The following ROBO2 variants were observed in gnomAD, a reference collection of about 807,000 sequenced individuals.
The protein encoded by ROBO2 is roundabout guidance receptor 2.
Under a neutral mutation model 160.8 loss-of-function variants are expected in ROBO2, and 53 were observed. The ratio of observed to expected loss-of-function variants is 0.33; its 90% CI spans 0.26 to 0.41. The LOEUF (loss-of-function observed/expected upper bound fraction) is 0.41, where lower values mean the gene tolerates loss of function less well. ROBO2 is among the 10% of genes least tolerant of loss of function. The pLI, the probability that ROBO2 is intolerant of heterozygous loss-of-function variation, is 1.00. For synonymous variants in ROBO2, 664 were observed against 611.7 expected (o/e 1.09, Z -1.26); for missense variants, 1,577 against 1,722.4 (o/e 0.92, Z 1.49).
intron 2 of ROBO2, among the ~76,000 whole-genome samples, chr3:76,813,054 A>G (rs1436804285): frequency 6.6e-6 from 1 of 151,882 alleles, no homozygotes; most frequent in Non-Finnish European, 1.5e-5. Context: ...CAAGCTTTGG[A>G]ACTTGGAAGA....
intron 2 of ROBO2, among the ~76,000 whole-genome samples, chr3:77,304,638 T>TGGCACATA (rs2062942899): frequency 6.6e-6 from 1 of 152,178 alleles, no homozygotes; most frequent in Admixed American, 6.5e-5. Context: ...TTTCATTCTG[T>TGGCACATA]GGCACATACC....
intron 2 of ROBO2, among the ~76,000 whole-genome samples, chr3:77,272,700 C>T (rs2059579706): frequency 6.6e-6 from 1 of 152,228 alleles, no homozygotes; most frequent in South Asian, 2.1e-4. Context: ...GTGACTGTTA[C>T]TGGGCCTGTA....
intron 2 of ROBO2, among the ~76,000 whole-genome samples, chr3:76,656,086 A>G (rs1215705925): frequency 6.6e-6 from 1 of 152,142 alleles, no homozygotes; most frequent in Non-Finnish European, 1.5e-5. Flanking sequence ...CTAAGCAAAA[A>G]CAGCCAAGAG....
At chr3:77,428,120 A>G (rs1476281785) in intron 2 of ROBO2, among the ~76,000 whole-genome samples, 1 of 151,946 alleles carries the variant, frequency 6.6e-6, no homozygotes. Flanking sequence ...TTGTAAACAA[A>G]TTTTTGAAAT....
At chr3:77,045,066 G>A (rs2064507497) in intron 1 of ROBO2, among the ~76,000 whole-genome samples, 2 of 152,154 alleles carry the variant, frequency 1.3e-5, no homozygotes, top group South Asian at 2.1e-4. Flanking sequence ...GGAGGCGGGC[G>A]GTAGGGAAAG....
intron 2 of ROBO2, among the ~76,000 whole-genome samples, chr3:76,334,101 C>T (rs926590371): frequency 2.0e-5 from 3 of 152,058 alleles, no homozygotes; most frequent in African/African-American, 7.2e-5. Flanking sequence ...TGTAACAAAC[C>T]TGCACGTTGT....
intron 2 of ROBO2, among the ~76,000 whole-genome samples, chr3:77,024,394 T>C (rs1165737105): frequency 6.6e-6 from 1 of 152,142 alleles, no homozygotes; most frequent in Non-Finnish European, 1.5e-5. Flanking sequence ...GTGTCAGAAA[T>C]GAAGCAGTAA....
intron 2 of ROBO2, among the ~76,000 whole-genome samples, chr3:77,419,606 CA>C (rs1334574330): frequency 6.6e-6 from 1 of 152,030 alleles, no homozygotes; most frequent in Non-Finnish European, 1.5e-5. Context: ...CCTTCTGCAG[CA>C]AAACTCATTA....
intron 2 of ROBO2, among the ~76,000 whole-genome samples, chr3:76,059,034 TAATC>T (rs1289569775): frequency 2.7e-5 from 4 of 150,818 alleles, no homozygotes; most frequent in Admixed American, 6.6e-5. Context: ...CACATTTTCT[TAATC>T]CAGTCTATCA....
intron 2 of ROBO2, among the ~76,000 whole-genome samples, chr3:75,986,591 T>C (rs1421109500): frequency 6.6e-6 from 1 of 151,704 alleles, no homozygotes; most frequent in African/African-American, 2.4e-5. Context: ...CCTGTGCCTT[T>C]GATGTCACAT....
intron 2 of ROBO2, among the ~76,000 whole-genome samples, chr3:77,459,973 A>G (rs977930831): frequency 6.6e-6 from 1 of 151,876 alleles, no homozygotes; most frequent in Non-Finnish European, 1.5e-5. Context: ...GGAGAATTTT[A>G]TGTAAAAAGA....
chr3:76,064,581 A>G (rs1217133070), intron 2 of ROBO2, among the ~76,000 whole-genome samples: 2 of 152,194 alleles, frequency 1.3e-5, no homozygotes, highest in Non-Finnish European at 1.5e-5. Flanking sequence ...CTCTCTAACA[A>G]TCCTTAAAAA....
At chr3:77,194,499 T>C (rs1278686672) in intron 2 of ROBO2, among the ~76,000 whole-genome samples, 1 of 152,230 alleles carries the variant, frequency 6.6e-6, no homozygotes, top group African/African-American at 2.4e-5. Context: ...TTAAGATTTA[T>C]TTTAGTGACT....
At chr3:76,210,772 A>G (rs1181604009) in intron 2 of ROBO2, among the ~76,000 whole-genome samples, 1 of 152,094 alleles carries the variant, frequency 6.6e-6, no homozygotes, top group Non-Finnish European at 1.5e-5. Context: ...TTGCACAAAG[A>G]ACTTTGTAAA....
At chr3:76,967,953 G>A (rs891657861) in intron 2 of ROBO2, among the ~76,000 whole-genome samples, 1 of 152,132 alleles carries the variant, frequency 6.6e-6, no homozygotes, top group African/African-American at 2.4e-5. Flanking sequence ...GTCTTACATT[G>A]TTGATGAAGT....
At chr3:77,617,620 T>C in exon 22 of ROBO2, 1 of 1,614,172 alleles carries the variant, frequency 6.2e-7, no homozygotes, top group Non-Finnish European at 8.5e-7. Context: ...ACACCTCCTG[T>C]TCGAGGCGTG....
chr3:76,292,569 C>T (rs1219391630), intron 2 of ROBO2, among the ~76,000 whole-genome samples: 2 of 152,024 alleles, frequency 1.3e-5, no homozygotes, highest in East Asian at 3.9e-4. Context: ...TTGTCAGTGG[C>T]CTTGGACAAT....
intron 2 of ROBO2, among the ~76,000 whole-genome samples, chr3:77,302,426 A>G (rs945805085): frequency 2.0e-5 from 3 of 152,276 alleles, no homozygotes; most frequent in Admixed American, 2.0e-4. Context: ...TAGGTCTTCC[A>G]CAGGCTTACT....
intron 25 of ROBO2, 149 bp from the exon 28 acceptor site, chr3:77,645,905 C>T (rs2095408614): frequency 1.1e-5 from 6 of 538,782 alleles, no homozygotes; most frequent in Non-Finnish European, 1.6e-5. Context: ...TGATCATCTC[C>T]TTCAAGTAAA....
Sources: gnomAD v4.1 joint callset for allele counts (sites outside exome capture counted in the v4.1 genomes callset) on GRCh38, gnomAD v4.1.1 for gene constraint, MANE v1.5 for transcripts, NCBI Gene and HGNC (gene_info 2026-07-23, HGNC 2026-07-21) for gene names.